DEFB124: variants seen among roughly 807,000 people sequenced by gnomAD.
The protein encoded by DEFB124 is beta-defensin 124.
For missense variants in DEFB124, 78 were observed against 83.1 expected (o/e 0.94, Z 0.24); for synonymous variants, 38 against 36.5 (o/e 1.04, Z -0.15).
Position 31,472,939 on chromosome 20 carries a change from G to T in DEFB124, c.58+17C>A. 2 of 1,547,344 alleles carry T rather than the reference G, an allele frequency of 1.3e-6. No homozygotes were observed. The highest frequency in any genetic ancestry group is 1.1e-5 in the South Asian group (1 of 89,576). On this transcript the variant is annotated intron_variant, in intron 2 of 2. Coordinates refer to ENST00000317676, the MANE Select transcript of DEFB124 (RefSeq NM_001037500.2). Reference sequence around the variant, plus strand: ...TGTGCACACACACACACACACACATGCACACGATGTTGTTACCTGATGGCA... The same window carrying T: ...TGTGCACACACACACACACACACATTCACACGATGTTGTTACCTGATGGCA...
intron 1 of DEFB124, among the ~76,000 whole-genome samples, chr20:31,473,932 G>A (rs976493754): frequency 2.6e-5 from 4 of 152,172 alleles, no homozygotes; most frequent in Non-Finnish European, 5.9e-5. Context: ...AACAGTGTCT[G>A]GTACACAGGA....
chr20:31,472,609 CAT>C (rs759596378), intron 2 of DEFB124: 2 of 253,096 alleles, frequency 7.9e-6, no homozygotes, highest in Non-Finnish European at 1.5e-5. Context: ...CACCACCCAA[CAT>C]ATGTTTATCC....
chr20:31,474,850 G>A lies in DEFB124; in HGVS notation c.-249C>T, dbSNP rs1355914143. On this transcript the variant is annotated 5_prime_UTR_variant, in exon 1 of 3. Transcript: ENST00000317676. ...AGCAGAGTTTCTTAAAGTGAGGTCA[G>A]TGAACCGCCTGCATCAGGATCACTT... Among the ~76,000 whole-genome samples the A allele has an allele frequency of 6.6e-6, 1 of 152,222 alleles. No individual in the cohort carries two copies. The highest frequency in any genetic ancestry group is 1.5e-5 in the Non-Finnish European group (1 of 68,034).
At chr20:31,470,353 C>G (rs1365935241) in intron 2 of DEFB124, among the ~76,000 whole-genome samples, 9 of 138,934 alleles carry the variant, frequency 6.5e-5, no homozygotes, top group African/African-American at 1.8e-4. Flanking sequence ...CCTCACCCCC[C>G]GGACGGGGTG....
intron 2 of DEFB124, among the ~76,000 whole-genome samples, chr20:31,472,175 C>A (rs369446304): frequency 2.6e-5 from 4 of 151,766 alleles, no homozygotes; most frequent in Admixed American, 6.6e-5. Context: ...CCGAGGCTGG[C>A]GGATCACTCG....
At chr20:31,468,105 A>G (rs568945699) in intron 2 of DEFB124, among the ~76,000 whole-genome samples, 1 of 152,226 alleles carries the variant, frequency 6.6e-6, no homozygotes, top group African/African-American at 2.4e-5. Context: ...TCACTCCAAT[A>G]TCCAGCAGCA....
chr20:31,470,362 T>C (rs868754789), intron 2 of DEFB124, among the ~76,000 whole-genome samples: 29,941 of 98,074 alleles, frequency 0.31, 2,380 homozygotes, highest in African/African-American at 0.5. Flanking sequence ...CCGGACGGGG[T>C]GGCTGGCCGG....
At chr20:31,469,214 G>A (rs1980160891) in intron 2 of DEFB124, among the ~76,000 whole-genome samples, 1 of 152,032 alleles carries the variant, frequency 6.6e-6, no homozygotes, top group Non-Finnish European at 1.5e-5. Flanking sequence ...CCTGAGGTCA[G>A]GAGATCTAGA....
In DEFB124 at chr20:31,468,482, A is replaced by AC. The variant is rs887146036; in HGVS notation, c.59-2820_59-2819insG. ...AGGGCTCTTTTTATTTTCTTTTTCTATTTTTTTTTTTTAAGACAGAGTCTC... is the reference window on the plus strand; with the variant it reads ...AGGGCTCTTTTTATTTTCTTTTTCTACTTTTTTTTTTTTAAGACAGAGTCTC... On this transcript the variant is annotated intron_variant, in intron 2 of 2. Coordinates refer to ENST00000317676, the MANE Select transcript of DEFB124 (RefSeq NM_001037500.2). 2.1e-5 allele frequency among the ~76,000 whole-genome samples: 3 copies of AC among 143,486 alleles called. No homozygotes were observed. In the Admixed American group the frequency reaches 2.1e-4, roughly 10 times the overall value. 94.1% of individuals were successfully genotyped at this position (143,486 alleles called of 152,430 possible).
chr20:31,467,429 G>A (rs1980110847), intron 2 of DEFB124, among the ~76,000 whole-genome samples: 1 of 152,212 alleles, frequency 6.6e-6, no homozygotes, highest in African/African-American at 2.4e-5. Flanking sequence ...ACCCAGCTCA[G>A]ACCTCCTGGG....
chr20:31,472,593 A>G (rs969106040), intron 2 of DEFB124: 2 of 221,106 alleles, frequency 9.0e-6, no homozygotes, highest in Admixed American at 5.3e-5. Context: ...TCTTCTCAGC[A>G]CTTATCACCA....
Position 31,465,670 on chromosome 20 carries a change from A to G in DEFB124, c.59-7T>C. ...CGTTTGAATTCACTTCTCCCTAAAC[A>G]GAGGAAAACCACAGGTCACAGAGCA... On this transcript the variant is annotated splice_region_variant and splice_polypyrimidine_tract_variant and intron_variant, in intron 2 of 2. Transcript: ENST00000317676. The G allele has an allele frequency of 6.2e-7, 1 of 1,612,952 alleles. No homozygotes were observed. Among genetic ancestry groups the G allele is most frequent in the Non-Finnish European group, 8.5e-7 (1 of 1,179,860 alleles).
chr20:31,467,363 A>G (rs1198279075), intron 2 of DEFB124, among the ~76,000 whole-genome samples: 2 of 152,224 alleles, frequency 1.3e-5, no homozygotes, highest in African/African-American at 4.8e-5. Context: ...TCCATGAGGC[A>G]AAGAATCCAC....
rs1980427684 is a variant in DEFB124, at chr20:31,474,718, GTGAA to G, written c.-121_-118del. Reference sequence around the variant, plus strand: ...CCCAGGCCCAGCTAAGCCTCAGTTGGTGAATGAATGAATGATGCCAAAATAAGAT... The same window carrying G: ...CCCAGGCCCAGCTAAGCCTCAGTTGGTGAATGAATGATGCCAAAATAAGAT... On this transcript the variant is annotated 5_prime_UTR_variant, in exon 1 of 3. An upstream open reading frame in the 5' UTR gains an earlier in-frame stop. Coordinates refer to ENST00000317676, the MANE Select transcript of DEFB124 (RefSeq NM_001037500.2). Among the ~76,000 whole-genome samples the G allele has an allele frequency of 6.6e-6, 1 of 152,160 alleles. No individual in the cohort carries two copies. Among genetic ancestry groups the G allele is most frequent in the African/African-American group, 2.4e-5 (1 of 41,436 alleles).
chr20:31,465,619 GGCA>G lies in DEFB124; in HGVS notation c.100_102del (p.Cys34del), dbSNP rs1980063878. On this transcript the variant is annotated inframe_deletion, in exon 3 of 3. Coordinates refer to ENST00000317676, the MANE Select transcript of DEFB124 (RefSeq NM_001037500.2). Reference sequence around the variant, plus strand: ...GTTTCTTGCCTTGTGCAGTAAGTTTGGCAGGCCCCTTGACCCTTCCAGCACCGT... The same window carrying G: ...GTTTCTTGCCTTGTGCAGTAAGTTTGGGCCCCTTGACCCTTCCAGCACCGT... 6.2e-7 allele frequency: 1 copy of G among 1,614,036 alleles called. No individual in the cohort carries two copies. The highest frequency in any genetic ancestry group is 1.1e-5 in the South Asian group (1 of 91,092).
At chr20:31,465,711 G>A (rs776853360) in intron 2 of DEFB124, 48 bp from the exon 3 acceptor site, 21 of 1,596,020 alleles carry the variant, frequency 1.3e-5, no homozygotes, top group South Asian at 1.1e-4. Context: ...TGGGTCACAC[G>A]TTAGACCACT....
intron 2 of DEFB124, among the ~76,000 whole-genome samples, chr20:31,470,575 C>T (rs570899177): frequency 1.3e-4 from 17 of 134,512 alleles, no homozygotes; most frequent in Non-Finnish European, 1.9e-4. Context: ...ACCTCCATCC[C>T]GGACGGGGCG....
chr20:31,471,625 AGG>A, intron 2 of DEFB124, among the ~76,000 whole-genome samples: 1 of 145,174 alleles, frequency 6.9e-6, no homozygotes, highest in South Asian at 2.2e-4. Flanking sequence ...TGCCGGGCAG[AGG>A]GGCTCCTCAC....
intron 2 of DEFB124, among the ~76,000 whole-genome samples, chr20:31,469,338 G>C (rs548379021): frequency 2.0e-4 from 31 of 152,188 alleles, no homozygotes; most frequent in Non-Finnish European, 2.9e-5. Context: ...CAGGAGAATC[G>C]CTTGAACCCG....
Sources: gnomAD v4.1 joint callset for allele counts (sites outside exome capture counted in the v4.1 genomes callset) on GRCh38, gnomAD v4.1.1 for gene constraint, MANE v1.5 for transcripts, NCBI Gene and HGNC (gene_info 2026-07-23, HGNC 2026-07-21) for gene names.